SLC8A1: variants seen among roughly 807,000 people sequenced by gnomAD.
SLC8A1 encodes sodium/calcium exchanger 1.
In SLC8A1, 18 loss-of-function variants were observed where a neutral mutation model predicts 68.3. The observed-to-expected ratio is 0.26, with a 90% CI of 0.18 to 0.39. The LOEUF is 0.39. Ranked by LOEUF, SLC8A1 falls within the 10% of genes least tolerant of loss-of-function variation. The pLI is 1.00. For synonymous variants in SLC8A1, 475 were observed against 415.5 expected, an observed-to-expected ratio of 1.14 and a Z score of -1.74; for missense variants, 985 against 1,156.7, an observed-to-expected ratio of 0.85 and a Z score of 2.15.
At chr2:40,148,500 T>TTC (rs879575836) in intron 6 of SLC8A1, among the ~76,000 whole-genome samples, 2 of 152,230 alleles carry the variant, frequency 1.3e-5, no homozygotes, top group East Asian at 3.8e-4. Flanking sequence ...AGTAACAGTC[T>TTC]AATGATGGCC....
chr2:40,208,127 C>T lies in SLC8A1; in HGVS notation c.1809-30272G>A, dbSNP rs191647943. Reference sequence around the variant, plus strand: ...TGAGAACATGAAGGAAGAAGTTAGGCGCAGGAAAAATAAAGGGTGTTAGTA... The same window carrying T: ...TGAGAACATGAAGGAAGAAGTTAGGTGCAGGAAAAATAAAGGGTGTTAGTA... On this transcript the variant is annotated intron_variant, in intron 2 of 7. Coordinates refer to ENST00000406785, the Ensembl canonical transcript of SLC8A1. Among the ~76,000 whole-genome samples the T allele has an allele frequency of 1.2e-3, 177 of 152,130 alleles. 1 individual carries two copies. Among genetic ancestry groups the T allele is most frequent in the Admixed American group, 1.6e-3 (24 of 15,250 alleles).
rs1351282064 is a variant in SLC8A1 at position 40,205,815 on chromosome 2, T to TG, written c.1809-27961dup. Among the ~76,000 whole-genome samples, 9 of 86,958 alleles carry TG rather than the reference T, an allele frequency of 1.0e-4. No homozygotes were observed. In the East Asian group the frequency reaches 2.4e-3, roughly 23 times the overall value. 57.0% of individuals were successfully genotyped at this position (86,958 alleles called of 152,430 possible). On this transcript the variant is annotated intron_variant, in intron 2 of 7. Coordinates refer to ENST00000406785, the Ensembl canonical transcript of SLC8A1. ...GAACTTAGAAGTTGAAAAAATATCT[T>TG]GAAAAAAAAAAAAAAAAGAAAAAGT...
intron 2 of SLC8A1, among the ~76,000 whole-genome samples, chr2:40,283,494 A>G (rs1279211840): frequency 6.6e-6 from 1 of 152,238 alleles, no homozygotes; most frequent in Non-Finnish European, 1.5e-5. Flanking sequence ...AGACACCTAC[A>G]CAAGAGTCAT....
intron 2 of SLC8A1, among the ~76,000 whole-genome samples, chr2:40,400,890 TGGGCA>T (rs1250298445): frequency 2.0e-5 from 3 of 151,884 alleles, no homozygotes; most frequent in African/African-American, 4.8e-5. Context: ...AGGCAGGAAA[TGGGCA>T]GGGAGCAGTA....
chr2:40,430,459 C>A (rs1338253236), intron 1 of SLC8A1, among the ~76,000 whole-genome samples, 155 bp from the exon 2 acceptor site: 2 of 152,114 alleles, frequency 1.3e-5, no homozygotes, highest in African/African-American at 4.8e-5. Flanking sequence ...TTGACCATCA[C>A]AAAATCTATG....
chr2:40,403,819 T>A (rs1278102680), intron 2 of SLC8A1, among the ~76,000 whole-genome samples: 2 of 152,118 alleles, frequency 1.3e-5, no homozygotes, highest in Non-Finnish European at 2.9e-5. Context: ...AATAGCATTG[T>A]CTCCGAAGGC....
At chr2:40,237,486 T>C (rs1345578292) in intron 2 of SLC8A1, among the ~76,000 whole-genome samples, 1 of 152,120 alleles carries the variant, frequency 6.6e-6, no homozygotes, top group Non-Finnish European at 1.5e-5. Context: ...CTGTATTGGT[T>C]ATTCTAGTTA....
chr2:40,498,557 TA>T (rs761950376), intron 1 of SLC8A1, among the ~76,000 whole-genome samples: 3 of 152,082 alleles, frequency 2.0e-5, no homozygotes, highest in Non-Finnish European at 2.9e-5. Flanking sequence ...ATTTTTAACA[TA>T]ACTACATAAA....
At chr2:40,242,978 G>A (rs936571029) in intron 2 of SLC8A1, among the ~76,000 whole-genome samples, 1 of 152,124 alleles carries the variant, frequency 6.6e-6, no homozygotes, top group African/African-American at 2.4e-5. Context: ...TGAGATCATT[G>A]CAGAGATATA....
intron 2 of SLC8A1, among the ~76,000 whole-genome samples, chr2:40,372,010 C>T (rs1018569936): frequency 2.6e-5 from 4 of 152,042 alleles, no homozygotes; most frequent in Non-Finnish European, 2.9e-5. Flanking sequence ...CTCTTTGGAG[C>T]AAATGAAATG....
chr2:40,362,972 C>G (rs1286362244), intron 2 of SLC8A1, among the ~76,000 whole-genome samples: 3 of 152,074 alleles, frequency 2.0e-5, no homozygotes, highest in African/African-American at 7.2e-5. Context: ...ACTAAATGTC[C>G]TTTCTGTTCC....
intron 2 of SLC8A1, among the ~76,000 whole-genome samples, chr2:40,285,015 A>G (rs933066530): frequency 2.0e-5 from 3 of 152,176 alleles, no homozygotes; most frequent in Non-Finnish European, 2.9e-5. Flanking sequence ...CTTATAAGTC[A>G]TAGAATACAG....
chr2:40,507,296 A>C (rs1335952435), intron 1 of SLC8A1, among the ~76,000 whole-genome samples: 2 of 152,020 alleles, frequency 1.3e-5, no homozygotes, highest in African/African-American at 2.4e-5. Flanking sequence ...AAACATGATT[A>C]ATATGATAGG....
chr2:40,190,885 T>C (rs903639090), intron 2 of SLC8A1: 1 of 152,168 alleles, frequency 6.6e-6, no homozygotes, highest in African/African-American at 2.4e-5. Context: ...AACATAGTCA[T>C]GGTATGCAGC....
intron 2 of SLC8A1, among the ~76,000 whole-genome samples, chr2:40,338,079 A>ATC (rs142853526): frequency 1.3e-5 from 2 of 150,714 alleles, no homozygotes; most frequent in East Asian, 2.0e-4. Context: ...GTTTCTCTCT[A>ATC]TCTCTCTCTC....
At chr2:40,256,985 G>C (rs536091929) in intron 2 of SLC8A1, among the ~76,000 whole-genome samples, 3 of 151,338 alleles carry the variant, frequency 2.0e-5, no homozygotes, top group East Asian at 3.9e-4. Flanking sequence ...AGTCTCATCT[G>C]ACAAATTATA....
At chr2:40,395,450 G>C (rs1044034467) in intron 2 of SLC8A1, among the ~76,000 whole-genome samples, 1 of 152,032 alleles carries the variant, frequency 6.6e-6, no homozygotes, top group African/African-American at 2.4e-5. Flanking sequence ...TCTTAGTCAG[G>C]ACCACCAGAT....
intron 2 of SLC8A1, among the ~76,000 whole-genome samples, chr2:40,271,874 AT>A (rs910583301): frequency 1.3e-5 from 2 of 150,440 alleles, no homozygotes; most frequent in African/African-American, 2.5e-5. Context: ...TTATTTATTT[AT>A]TTTTTTTTAG....
At chr2:40,185,521 T>C (rs1436452499) in intron 2 of SLC8A1, among the ~76,000 whole-genome samples, 1 of 152,140 alleles carries the variant, frequency 6.6e-6, no homozygotes, top group African/African-American at 2.4e-5. Context: ...TTACATGTTA[T>C]AGGAAAAGTC....
Sources: allele counts gnomAD v4.1 joint callset (sites outside exome capture counted in the v4.1 genomes callset), GRCh38; gene constraint gnomAD v4.1.1; transcripts MANE v1.5; gene names NCBI Gene and HGNC (gene_info 2026-07-23, HGNC 2026-07-21).